ILKAP: variants seen among roughly 807,000 people sequenced by gnomAD.
ILKAP encodes the protein integrin-linked kinase-associated serine/threonine phosphatase 2C.
A neutral mutation model predicts 49.1 loss-of-function variants in ILKAP; 11 were observed. The ratio of observed to expected loss-of-function variants is 0.22; its 90% confidence interval spans 0.14 to 0.37. ILKAP has a LOEUF of 0.37. ILKAP is among the 10% of genes least tolerant of loss of function. ILKAP has a pLI of 1.00. For synonymous variants in ILKAP, 186 were observed against 192.8 expected (o/e 0.96, Z 0.29); for missense variants, 363 against 510.8 (o/e 0.71, Z 2.79).
intron 1 of ILKAP, among the ~76,000 whole-genome samples, chr2:238,197,014 TG>T (rs1241658799): frequency 6.6e-6 from 1 of 152,200 alleles, no homozygotes; most frequent in Non-Finnish European, 1.5e-5. Context: ...CTGACCAACA[TG>T]GTGAAACCCT....
In ILKAP at chr2:238,182,156, G is replaced by C; in HGVS notation, c.745C>G (p.Gln249Glu). 1 of 1,613,756 alleles carries C rather than the reference G, an allele frequency of 6.2e-7. No individual in the cohort carries two copies. Among genetic ancestry groups the C allele is most frequent in the South Asian group, 1.1e-5 (1 of 91,046 alleles). ...CTGAGGCTTAAGGCTGCATGTTTTT[G>C]ACTCTCCTCATTATAACGACACAAG... ...AILCRYNEES[Q>E]KHAALSLSKE... The change falls in exon 9 of 12, where the codon CAA (glutamine) becomes GAA (glutamate). Residue 249 changes from glutamine to glutamate, a missense_variant. Around this residue, in one of 3 missense-constraint regions of ILKAP, gnomAD observed 166 missense variants for 307.3 expected, o/e 0.54. Transcript: ENST00000254654.
chr2:238,170,657 C>A lies in ILKAP; in HGVS notation c.1058G>T (p.Arg353Leu). 1 of 1,597,528 alleles carries A rather than the reference C, an allele frequency of 6.3e-7. No homozygotes were observed. The highest frequency in any genetic ancestry group is 8.6e-7 in the Non-Finnish European group (1 of 1,167,092). ...SCLEDEKIQT[R>L]EGKSAADARY... ...GGCGTCGGCTGCGGACTTCCCTTCC[C>A]GGGTCTGGATCTTTTCATCCTACCA... Residue 353 changes from arginine to leucine, a missense_variant, in exon 12 of 12, where the codon CGG becomes CTG. This residue lies in a region of ILKAP where 83 missense variants were observed against 87.5 expected (regional missense o/e 0.95). Coordinates refer to ENST00000254654, the MANE Select transcript of ILKAP (RefSeq NM_030768.3).
rs115240542 is a variant in ILKAP, at chr2:238,183,185, C to T, written c.714+468G>A. Among the ~76,000 whole-genome samples, 489 of 152,246 alleles carry T rather than the reference C, an allele frequency of 3.2e-3. 1 individual carries two copies. Among genetic ancestry groups the T allele is most frequent in the Non-Finnish European group, 5.3e-3 (360 of 68,020 alleles). On this transcript the variant is annotated intron_variant, in intron 8 of 11. Coordinates refer to ENST00000254654, the MANE Select transcript of ILKAP (RefSeq NM_030768.3). ...TTCTCCCTCAGCCAGGGACCGGGCT[C>T]GGGTGATGAATGGCACCTCATCTGG...
intron 1 of ILKAP, among the ~76,000 whole-genome samples, chr2:238,199,522 T>TCAA (rs1559302830): frequency 2.0e-5 from 3 of 152,208 alleles, no homozygotes; most frequent in Non-Finnish European, 2.9e-5. Context: ...ACTGGGAGGA[T>TCAA]ACATCCTTTG....
chr2:238,184,735 T>TG (rs201925768), intron 6 of ILKAP, among the ~76,000 whole-genome samples: 283 of 149,132 alleles, frequency 1.9e-3, no homozygotes, highest in Non-Finnish European at 3.0e-3. Context: ...TAGGTTTGTT[T>TG]TTTTTTTTTA....
At chr2:238,173,817 G>GTA (rs1280351754) in intron 9 of ILKAP, 164 bp from the exon 10 acceptor site, 4 of 898,190 alleles carry the variant, frequency 4.5e-6, no homozygotes, top group Non-Finnish European at 6.6e-6. Context: ...ATATGCAGGG[G>GTA]TGTCTAGGCC....
rs780476617 is a variant in ILKAP at position 238,194,381 on chromosome 2, T to TA, written c.122-51dup. The TA allele has an allele frequency of 1.1e-5, 18 of 1,568,040 alleles. No individual in the cohort carries two copies. In the East Asian group the frequency reaches 4.0e-4, roughly 35 times the overall value. On this transcript the variant is annotated intron_variant, in intron 2 of 11. Transcript: ENST00000254654. ...GAGCCCACAAAAAATATGTAAGACT[T>TA]AAGTTTCAGAATCCATCCCACCAGG...
At chr2:238,179,196 G>C (rs1693589038) in intron 9 of ILKAP, among the ~76,000 whole-genome samples, 1 of 152,186 alleles carries the variant, frequency 6.6e-6, no homozygotes, top group African/African-American at 2.4e-5. Context: ...GAAATCAAGT[G>C]AGCAGCAGAA....
intron 1 of ILKAP, among the ~76,000 whole-genome samples, chr2:238,198,315 T>C (rs1410396406): frequency 4.6e-5 from 7 of 152,070 alleles, no homozygotes; most frequent in Non-Finnish European, 8.8e-5. Flanking sequence ...CACAGCTCAC[T>C]GCAGCCCCAA....
At chr2:238,172,026 T>G (rs935121030) in intron 10 of ILKAP, among the ~76,000 whole-genome samples, 19 of 151,216 alleles carry the variant, frequency 1.3e-4, no homozygotes, top group African/African-American at 3.4e-4. Flanking sequence ...TTTTTTTGTG[T>G]TTTTTTTTCT....
chr2:238,173,956 T>C, intron 9 of ILKAP: 1 of 303,640 alleles, frequency 3.3e-6, no homozygotes, highest in Non-Finnish European at 6.1e-6. Context: ...ATCACACACC[T>C]AGGTCCCAAC....
At position 238,203,587 on chromosome 2, in the gene ILKAP, G is replaced by T; in HGVS notation, c.-34C>A. 1 of 1,135,220 alleles carries T rather than the reference G, an allele frequency of 8.8e-7. No homozygotes were observed. The highest frequency in any genetic ancestry group is 1.1e-6 in the Non-Finnish European group (1 of 922,192). The allele number at this position is 1,135,220 out of a possible 1,614,324, so 70.3% of individuals were successfully genotyped here. A position where few individuals can be genotyped will look rare whatever the true frequency, so the allele number is the denominator to read the frequency against. The stretch of plus-strand genomic sequence containing the variant: ...CTGGGTGGAGGCGGCAGCAGCGACA[G>T]ACACTCAGCCCGCGAGCAGCGGCCG... On this transcript the variant is annotated 5_prime_UTR_variant, in exon 1 of 12. The change creates a new upstream start codon in the 5' untranslated region. Transcript: ENST00000254654.
chr2:238,194,947 T>G, intron 1 of ILKAP, 77 bp from the exon 2 acceptor site: 2 of 1,197,440 alleles, frequency 1.7e-6, no homozygotes, highest in Non-Finnish European at 1.2e-6. Context: ...GATCATGTGG[T>G]CTCCCCTGCT....
intron 3 of ILKAP, 137 bp from the exon 4 acceptor site, chr2:238,190,109 A>T: frequency 8.0e-5 from 50 of 622,712 alleles, no homozygotes; most frequent in East Asian, 1.7e-4. Context: ...CAGACCCAGG[A>T]GTTGTGTCTT....
At chr2:238,170,889 C>T (rs776643395) in intron 11 of ILKAP, 54 bp downstream of exon 11, 3 of 1,550,980 alleles carry the variant, frequency 1.9e-6, no homozygotes, top group Non-Finnish European at 2.7e-6. Context: ...TTCTACTTCT[C>T]TGAAAACTAA....
At chr2:238,202,698 CG>C (rs1351420844) in intron 1 of ILKAP, among the ~76,000 whole-genome samples, 2 of 152,118 alleles carry the variant, frequency 1.3e-5, no homozygotes, top group Non-Finnish European at 2.9e-5. Context: ...GAAATATTCA[CG>C]CGTTTTGACA....
At chr2:238,170,810 T>C (rs538377108) in intron 11 of ILKAP, 133 bp downstream of exon 11, 14 of 1,467,760 alleles carry the variant, frequency 9.5e-6, no homozygotes, top group Middle Eastern at 1.7e-4. Flanking sequence ...AGTGAGTCAG[T>C]AGGCAGAGTT....
chr2:238,182,100 C>T lies in ILKAP; in HGVS notation c.801G>A (p.Glu267=), dbSNP rs759259228. Residue 267 remains glutamate (E), a synonymous_variant, in exon 9 of 12, where the codon GAG becomes GAA. Transcript: ENST00000254654. ...SKEHNPTQYE[E]RMRIQKAGGN... Reference sequence around the variant, plus strand: ...CTCCAGCCTTCTGTATCCTCATCCGCTCTTCATACTGAGTTGGATTATGCT... The same window carrying T: ...CTCCAGCCTTCTGTATCCTCATCCGTTCTTCATACTGAGTTGGATTATGCT... The T allele has an allele frequency of 3.7e-6, 6 of 1,613,914 alleles. No homozygotes were observed. The highest frequency in any genetic ancestry group is 2.2e-5 in the South Asian group (2 of 91,074).
At chr2:238,194,028 T>C (rs887733677) in intron 3 of ILKAP, among the ~76,000 whole-genome samples, 3 of 152,260 alleles carry the variant, frequency 2.0e-5, no homozygotes, top group Admixed American at 6.5e-5. Context: ...AGTAAATTAG[T>C]GAACTCTTAA....
Sources: allele counts gnomAD v4.1 joint callset (sites outside exome capture counted in the v4.1 genomes callset), GRCh38; gene constraint gnomAD v4.1.1; regional missense constraint gnomAD v4.1.1; transcripts MANE v1.5; gene names NCBI Gene and HGNC (gene_info 2026-07-23, HGNC 2026-07-21).